The following NALF1 variants were observed in gnomAD, a reference collection of about 807,000 sequenced individuals.
The protein encoded by NALF1 is NALCN channel auxiliary factor 1, also known as family with sequence similarity 155 member A.
Under a neutral mutation model 48.4 loss-of-function variants are expected in NALF1, and 3 were observed. The observed-to-expected ratio is 0.06, with a 90% CI of 0.03 to 0.16. NALF1 has a LOEUF of 0.16. Ranked by LOEUF, NALF1 falls within the 10% of genes least tolerant of loss-of-function variation. The probability of loss-of-function intolerance (pLI) is 1.00; values close to 1 mark genes in which losing one functional copy is unlikely to be tolerated. For missense variants in NALF1, 526 were observed against 571.5 expected, an observed-to-expected ratio of 0.92 and a Z score of 0.81; for synonymous variants, 262 against 245.7, an observed-to-expected ratio of 1.07 and a Z score of -0.62.
At chr13:107,676,980 A>G (rs182941194) in intron 1 of NALF1, among the ~76,000 whole-genome samples, 49 of 152,344 alleles carry the variant, frequency 3.2e-4, no homozygotes, top group Non-Finnish European at 5.3e-4. Context: ...TTGATGAGAC[A>G]CTGTCTCCAC....
chr13:107,533,004 G>A lies in NALF1; in HGVS notation c.916-322249C>T, dbSNP rs1397503441. 2.6e-5 allele frequency among the ~76,000 whole-genome samples: 4 copies of A among 152,054 alleles called. No homozygotes were observed. The South Asian group carries it at 6.2e-4, about 24-fold the overall frequency. The stretch of plus-strand genomic sequence containing the variant: ...AAAATTAAGAATACATGCTAAGCTG[G>A]AAATTTAAAACATCATTTAGAAACC... On this transcript the variant is annotated intron_variant, in intron 1 of 2. Transcript: ENST00000375915.
At chr13:107,702,246 TCA>T (rs1246532742) in intron 1 of NALF1, among the ~76,000 whole-genome samples, 1 of 136,884 alleles carries the variant, frequency 7.3e-6, no homozygotes, top group African/African-American at 2.7e-5. Flanking sequence ...ACTTCTGGTT[TCA>T]CTCTGTAAAA....
intron 1 of NALF1, among the ~76,000 whole-genome samples, chr13:107,516,176 A>G (rs1021326752): frequency 6.6e-6 from 1 of 152,224 alleles, no homozygotes; most frequent in Non-Finnish European, 1.5e-5. Flanking sequence ...TCTGATCCAC[A>G]TGCAATAAAG....
chr13:107,502,398 A>T lies in NALF1; in HGVS notation c.916-291643T>A, dbSNP rs919282146. ...TAGATTTTTATTATGTAAAGACATCATATTGTTTGGCTTAATTGTGATTAA... is the reference window on the plus strand; with the variant it reads ...TAGATTTTTATTATGTAAAGACATCTTATTGTTTGGCTTAATTGTGATTAA... On this transcript the variant is annotated intron_variant, in intron 1 of 2. Transcript: ENST00000375915. Among the ~76,000 whole-genome samples the T allele has an allele frequency of 9.2e-5, 14 of 152,266 alleles. No individual in the cohort carries two copies. In the East Asian group the frequency reaches 1.5e-3, roughly 17 times the overall value.
At chr13:107,832,436 C>T (rs1484514650) in intron 1 of NALF1, among the ~76,000 whole-genome samples, 1 of 151,872 alleles carries the variant, frequency 6.6e-6, no homozygotes, top group Non-Finnish European at 1.5e-5. Context: ...CATAATATAG[C>T]AATAAAATAT....
intron 1 of NALF1, among the ~76,000 whole-genome samples, chr13:107,604,485 CGT>C (rs1215719209): frequency 1.3e-5 from 2 of 152,062 alleles, no homozygotes; most frequent in Non-Finnish European, 2.9e-5. Flanking sequence ...TCTTGGGAAA[CGT>C]ATCTGAACAA....
At chr13:107,642,149 T>C (rs961888140) in intron 1 of NALF1, among the ~76,000 whole-genome samples, 11 of 152,164 alleles carry the variant, frequency 7.2e-5, no homozygotes, top group Non-Finnish European at 1.5e-4. Context: ...GCAATTTTTA[T>C]GCACAGTAAA....
intron 1 of NALF1, among the ~76,000 whole-genome samples, chr13:107,430,115 G>T (rs1343483718): frequency 6.6e-6 from 1 of 152,112 alleles, no homozygotes; most frequent in Admixed American, 6.6e-5. Context: ...ACTGAAGAAA[G>T]ATTCTAGAAC....
At chr13:107,173,943 G>A (rs1254994420) in intron 2 of NALF1, among the ~76,000 whole-genome samples, 2 of 152,024 alleles carry the variant, frequency 1.3e-5, no homozygotes, top group African/African-American at 4.8e-5. Context: ...CTGCTTTCAG[G>A]GAATTTGGTG....
At chr13:107,509,694 G>T (rs959561155) in intron 1 of NALF1, among the ~76,000 whole-genome samples, 4 of 152,098 alleles carry the variant, frequency 2.6e-5, no homozygotes, top group African/African-American at 9.7e-5. Context: ...CAAGTTATTA[G>T]CCATTTCAAA....
intron 1 of NALF1, among the ~76,000 whole-genome samples, chr13:107,385,975 G>T (rs1883524309): frequency 6.6e-6 from 1 of 152,100 alleles, no homozygotes; most frequent in East Asian, 1.9e-4. Flanking sequence ...AATTAAAAGT[G>T]ATGTTTTACA....
At chr13:107,334,368 C>T (rs1185773108) in intron 1 of NALF1, among the ~76,000 whole-genome samples, 4 of 152,182 alleles carry the variant, frequency 2.6e-5, no homozygotes, top group Non-Finnish European at 4.4e-5. Context: ...CCCAGCTTAG[C>T]TCTTCAGCTC....
At chr13:107,582,155 G>T (rs1878330208) in intron 1 of NALF1, among the ~76,000 whole-genome samples, 1 of 152,108 alleles carries the variant, frequency 6.6e-6, no homozygotes, top group African/African-American at 2.4e-5. Context: ...TTGACTCATG[G>T]TGCCTAAATT....
chr13:107,800,980 C>T (rs1023097257), intron 1 of NALF1, among the ~76,000 whole-genome samples: 1 of 151,938 alleles, frequency 6.6e-6, no homozygotes. Context: ...ATTCAATTTC[C>T]TCAATCGCAT....
At chr13:107,226,248 C>A (rs1000432229) in intron 1 of NALF1, among the ~76,000 whole-genome samples, 1 of 152,032 alleles carries the variant, frequency 6.6e-6, no homozygotes. Context: ...TGGAAGGAGG[C>A]GGTCAGAAAA....
intron 1 of NALF1, among the ~76,000 whole-genome samples, chr13:107,684,211 A>G (rs1236464874): frequency 2.0e-5 from 3 of 152,090 alleles, no homozygotes; most frequent in Non-Finnish European, 4.4e-5. Flanking sequence ...ATCACTTCAC[A>G]AAGGGTGCAG....
intron 1 of NALF1, among the ~76,000 whole-genome samples, chr13:107,636,805 A>G (rs1229900097): frequency 1.3e-5 from 2 of 151,192 alleles, no homozygotes; most frequent in East Asian, 1.9e-4. Context: ...CTCGCACTTA[A>G]AAGTACATAA....
At chr13:107,308,304 C>T (rs947776643) in intron 1 of NALF1, among the ~76,000 whole-genome samples, 6 of 150,572 alleles carry the variant, frequency 4.0e-5, no homozygotes, top group Admixed American at 1.3e-4. Context: ...CGGGTTCACA[C>T]CATTCTCCTG....
chr13:107,373,820 A>G (rs1883290250), intron 1 of NALF1, among the ~76,000 whole-genome samples: 1 of 152,188 alleles, frequency 6.6e-6, no homozygotes, highest in Non-Finnish European at 1.5e-5. Flanking sequence ...ATAAAGGCCA[A>G]ATAAATCTGG....
Sources: allele counts gnomAD v4.1 joint callset (sites outside exome capture counted in the v4.1 genomes callset), GRCh38; gene constraint gnomAD v4.1.1; transcripts MANE v1.5; gene names NCBI Gene and HGNC (gene_info 2026-07-23, HGNC 2026-07-21).